CDH18: variants seen among roughly 807,000 people sequenced by gnomAD.
CDH18 encodes the protein cadherin-18.
In CDH18, 31 loss-of-function variants were observed where a neutral mutation model predicts 67.9. The observed-to-expected ratio is 0.46, with a 90% CI of 0.34 to 0.62. The LOEUF (loss-of-function observed/expected upper bound fraction) is 0.62, where lower values mean the gene tolerates loss of function less well. CDH18 is among the 20% of genes least tolerant of loss of function. The pLI, the probability that CDH18 is intolerant of heterozygous loss-of-function variation, is 0.01. For synonymous variants in CDH18, 362 were observed against 347.2 expected (o/e 1.04, Z -0.48); for missense variants, 890 against 975.5 (o/e 0.91, Z 1.17).
chr5:20,261,777 G>A (rs973036640), intron 1 of CDH18, among the ~76,000 whole-genome samples: 1 of 152,056 alleles, frequency 6.6e-6, no homozygotes, highest in African/African-American at 2.4e-5. Context: ...GTGTGGTGTG[G>A]TTTTGTACTT....
At chr5:19,681,210 T>C (rs1760261140) in intron 5 of CDH18, among the ~76,000 whole-genome samples, 1 of 151,872 alleles carries the variant, frequency 6.6e-6, no homozygotes, top group African/African-American at 2.4e-5. Flanking sequence ...AAGCTTAACA[T>C]GGGGTACACA....
At chr5:20,248,663 AC>A (rs1382610025) in intron 2 of CDH18, among the ~76,000 whole-genome samples, 1 of 152,214 alleles carries the variant, frequency 6.6e-6, no homozygotes, top group Non-Finnish European at 1.5e-5. Context: ...ACCCTGTGTG[AC>A]CTTCTGCAGG....
intron 2 of CDH18, among the ~76,000 whole-genome samples, chr5:19,955,583 T>C (rs1220881164): frequency 6.6e-6 from 1 of 152,096 alleles, no homozygotes; most frequent in Non-Finnish European, 1.5e-5. Flanking sequence ...GTTTTAACTA[T>C]AATAGAGTGC....
intron 2 of CDH18, among the ~76,000 whole-genome samples, chr5:19,910,200 C>T (rs1029369619): frequency 6.6e-6 from 1 of 152,024 alleles, no homozygotes; most frequent in African/African-American, 2.4e-5. Context: ...GTGTTATTGA[C>T]ATTTATTGAG....
intron 1 of CDH18, among the ~76,000 whole-genome samples, chr5:20,395,156 C>G (rs1745186431): frequency 6.6e-6 from 1 of 152,074 alleles, no homozygotes; most frequent in African/African-American, 2.4e-5. Flanking sequence ...TTTATTGCAG[C>G]AAAATTCACA....
At chr5:20,282,715 A>G (rs1746379503) in intron 1 of CDH18, among the ~76,000 whole-genome samples, 1 of 152,116 alleles carries the variant, frequency 6.6e-6, no homozygotes, top group Admixed American at 6.6e-5. Flanking sequence ...TGGTATCAGG[A>G]TGATGCTGGC....
At chr5:19,669,648 T>A (rs1758469689) in intron 5 of CDH18, among the ~76,000 whole-genome samples, 1 of 152,246 alleles carries the variant, frequency 6.6e-6, no homozygotes, top group East Asian at 1.9e-4. Flanking sequence ...CATTTGTTAC[T>A]GGAAAATTTA....
chr5:20,038,221 C>T (rs1168919882), intron 2 of CDH18, among the ~76,000 whole-genome samples: 2 of 151,784 alleles, frequency 1.3e-5, no homozygotes, highest in African/African-American at 2.4e-5. Flanking sequence ...GCCTACAAAC[C>T]AAAAAAAGCC....
intron 1 of CDH18, among the ~76,000 whole-genome samples, chr5:20,477,125 G>A (rs530733910): frequency 2.0e-4 from 30 of 152,060 alleles, no homozygotes; most frequent in South Asian, 1.0e-3. Flanking sequence ...GTATTCCATG[G>A]GAATGATAAT....
Position 20,442,006 on chromosome 5 carries a change from G to A in CDH18, c.-580+133456C>T, listed in dbSNP as rs1480513934. ...TGGAGTGAAATATAAGCTTCATGAT[G>A]GGAGATATTTTATCTGTTCTGTTAA... On this transcript the variant is annotated intron_variant, in intron 1 of 14. Transcript: ENST00000507958. Among the ~76,000 whole-genome samples, 3 of 151,834 alleles carry A rather than the reference G, an allele frequency of 2.0e-5. 1 individual carries two copies. The highest frequency in any genetic ancestry group is 7.3e-5 in the African/African-American group (3 of 41,146).
At chr5:20,308,387 C>T (rs1736671330) in intron 1 of CDH18, among the ~76,000 whole-genome samples, 1 of 151,634 alleles carries the variant, frequency 6.6e-6, no homozygotes, top group Non-Finnish European at 1.5e-5. Context: ...TACTAAAATA[C>T]AAAAAATTAG....
intron 1 of CDH18, among the ~76,000 whole-genome samples, chr5:20,261,461 T>C (rs1249385509): frequency 6.6e-6 from 1 of 151,994 alleles, no homozygotes; most frequent in East Asian, 1.9e-4. Flanking sequence ...TTGCTAGAGG[T>C]CGGGCGTGGT....
chr5:19,902,034 C>T (rs115237226), intron 2 of CDH18, among the ~76,000 whole-genome samples: 1,947 of 152,108 alleles, frequency 0.013, 37 homozygotes, highest in African/African-American at 0.045. Flanking sequence ...AAAACATGTA[C>T]ATTAAATCAC....
intron 12 of CDH18, among the ~76,000 whole-genome samples, chr5:19,482,107 AT>A (rs1739529148): frequency 6.6e-6 from 1 of 151,896 alleles, no homozygotes; most frequent in South Asian, 2.1e-4. Context: ...TAAAAAATTT[AT>A]TTTATTTTAT....
intron 3 of CDH18, among the ~76,000 whole-genome samples, chr5:19,808,318 C>CAAAA (rs144547566): frequency 7.5e-6 from 1 of 133,294 alleles, no homozygotes; most frequent in African/African-American, 2.6e-5. Context: ...ACAACAACAA[C>CAAAA]AAAAAAAAAA....
At chr5:19,835,454 C>CT (rs200180757) in intron 3 of CDH18, among the ~76,000 whole-genome samples, 5 of 151,380 alleles carry the variant, frequency 3.3e-5, no homozygotes, top group African/African-American at 7.3e-5. Flanking sequence ...ACATGTATCC[C>CT]TTTTTTTTGT....
chr5:19,667,592 GTAGT>G (rs1363722308), intron 5 of CDH18, among the ~76,000 whole-genome samples: 2 of 149,730 alleles, frequency 1.3e-5, no homozygotes, highest in Admixed American at 6.7e-5. Flanking sequence ...AACATTCAAA[GTAGT>G]TAAACAGGCT....
At chr5:20,003,297 T>G (rs529164393) in intron 2 of CDH18, among the ~76,000 whole-genome samples, 1,747 of 150,222 alleles carry the variant, frequency 0.012, 38 homozygotes, top group African/African-American at 0.04. Flanking sequence ...GTGGCTGTGT[T>G]TGTGTGTGTG....
intron 6 of CDH18, among the ~76,000 whole-genome samples, chr5:19,595,032 TA>T (rs1310344137): frequency 1.3e-5 from 2 of 151,916 alleles, no homozygotes; most frequent in Admixed American, 6.6e-5. Flanking sequence ...ATTACATATA[TA>T]AAAAAACAGG....
Sources: allele counts gnomAD v4.1 joint callset (sites outside exome capture counted in the v4.1 genomes callset), GRCh38; gene constraint gnomAD v4.1.1; transcripts MANE v1.5; gene names NCBI Gene and HGNC (gene_info 2026-07-23, HGNC 2026-07-21).